ZDHHC16: variants seen among roughly 807,000 people sequenced by gnomAD.
ZDHHC16 encodes the protein zDHHC palmitoyltransferase 16.
In ZDHHC16, 33 loss-of-function variants were observed where a neutral mutation model predicts 54.4. The ratio of observed to expected loss-of-function variants is 0.61; its 90% CI spans 0.46 to 0.81. ZDHHC16 has a LOEUF of 0.81. ZDHHC16 is among the 30% of genes least tolerant of loss of function. The pLI, the probability that ZDHHC16 is intolerant of heterozygous loss-of-function variation, is 0.00. For missense variants in ZDHHC16, 420 were observed against 485.9 expected (o/e 0.86, Z 1.28); for synonymous variants, 185 against 182.1 (o/e 1.02, Z -0.13).
At chr10:97,455,137 G>A (rs543287537) in intron 9 of ZDHHC16, among the ~76,000 whole-genome samples, 2 of 152,298 alleles carry the variant, frequency 1.3e-5, no homozygotes, top group African/African-American at 4.8e-5. Flanking sequence ...GTGAAGTGAA[G>A]TGACTTGTTC....
At chr10:97,454,048 C>T (rs1010120779) in intron 8 of ZDHHC16, among the ~76,000 whole-genome samples, 1 of 152,186 alleles carries the variant, frequency 6.6e-6, no homozygotes, top group African/African-American at 2.4e-5. Context: ...TGGTATGTGA[C>T]AGTTTTGGCT....
At position 97,451,839 on chromosome 10, in the gene ZDHHC16, G is replaced by C; in HGVS notation, c.164G>C (p.Gly55Ala). 1 of 1,614,228 alleles carries C rather than the reference G, an allele frequency of 6.2e-7. No individual in the cohort carries two copies. Among genetic ancestry groups the C allele is most frequent in the Non-Finnish European group, 8.5e-7 (1 of 1,180,050 alleles). ...CLRSLLYNSF[G>A]GSDTAVDAAF... ...CGCTCCCTGCTCTACAACTCCTTTGGGGGCAGTGACACCGCTGTTGATGCT... is the reference window on the plus strand; with the variant it reads ...CGCTCCCTGCTCTACAACTCCTTTGCGGGCAGTGACACCGCTGTTGATGCT... Residue 55 changes from glycine (G) to alanine (A), a missense_variant, in exon 3 of 12, where the codon GGG becomes GCG. Gly to Ala is a moderately conservative substitution (Grantham distance 60). Transcript: ENST00000393760.
chr10:97,455,631 C>G (rs1564807844), intron 9 of ZDHHC16, 29 bp from the exon 10 acceptor site: 1 of 1,614,232 alleles, frequency 6.2e-7, no homozygotes, highest in Admixed American at 1.7e-5. Flanking sequence ...CTCTAAACTA[C>G]CCACCAGTCT....
rs1846703980 is a variant in ZDHHC16 at position 97,452,187 on chromosome 10, G to A, written c.341G>A (p.Arg114Gln). The A allele has an allele frequency of 6.2e-6, 10 of 1,614,036 alleles. No homozygotes were observed. Among genetic ancestry groups the A allele is most frequent in the African/African-American group, 1.3e-5 (1 of 74,998 alleles). ...ATCCTCCGAACCTACTCAGTGCCAC[G>A]ACTCTGCTGGCATTTCTTCTATAGC... is the stretch of plus-strand genomic sequence containing the variant. The part of the protein sequence containing the change: ...PLILRTYSVP[R>Q]LCWHFFYSHW... Residue 114 changes from arginine to glutamine, a missense_variant, in exon 4 of 12, where the codon CGA becomes CAA. Transcript: ENST00000393760.
At position 97,446,359 on chromosome 10, in the gene ZDHHC16, G is replaced by T; in HGVS notation, c.-186+6G>T. ...GGGGAGTCGGCAGGCGGCAGGTAAG[G>T]GCGAAGCCTCGGCCCTTGCTCCCCA... On this transcript the variant is annotated splice_donor_region_variant and intron_variant, in intron 1 of 11. Coordinates refer to ENST00000393760, the MANE Select transcript of ZDHHC16 (RefSeq NM_198046.3). 1 of 377,714 alleles carries T rather than the reference G, an allele frequency of 2.6e-6. No individual in the cohort carries two copies. The highest frequency in any genetic ancestry group is 4.9e-6 in the Non-Finnish European group (1 of 205,198). 23.4% of individuals were successfully genotyped at this position (377,714 alleles called of 1,614,324 possible). A position where few individuals can be genotyped will look rare whatever the true frequency, so the allele number is the denominator to read the frequency against.
rs577394192 is a variant in ZDHHC16, at chr10:97,455,900, T to C, written c.949-74T>C. On this transcript the variant is annotated intron_variant, in intron 10 of 11. Transcript: ENST00000393760. The stretch of plus-strand genomic sequence containing the variant: ...GCATTGTAAAAGGCCAGAACTACTC[T>C]ATCTGAGCTTTAGCTTAGCCAATTT... 5.9e-5 allele frequency: 95 copies of C among 1,607,870 alleles called. 1 individual carries two copies. The Middle Eastern group carries it at 6.6e-4, about 11-fold the overall frequency.
rs987045733 is a variant in ZDHHC16, at chr10:97,456,986, A to G, written c.*95A>G. 3.8e-6 allele frequency: 4 copies of G among 1,039,164 alleles called. No homozygotes were observed. Among genetic ancestry groups the G allele is most frequent in the African/African-American group, 1.6e-5 (1 of 62,442 alleles). The allele number at this position is 1,039,164 out of a possible 1,614,324, so 64.4% of individuals were successfully genotyped here. A position where few individuals can be genotyped will look rare whatever the true frequency, so the allele number is the denominator to read the frequency against. ...CAGCTTTTCTCAGAATCCTTGATCA[A>G]AAAGAGCCAGTGGGCCTGCCTTAGG... On this transcript the variant is annotated 3_prime_UTR_variant, in exon 12 of 12. Coordinates refer to ENST00000393760, the MANE Select transcript of ZDHHC16 (RefSeq NM_198046.3).
At chr10:97,447,586 A>C (rs1010173566) in intron 1 of ZDHHC16, among the ~76,000 whole-genome samples, 3 of 152,246 alleles carry the variant, frequency 2.0e-5, no homozygotes, top group African/African-American at 7.2e-5. Context: ...CTTCTCCCCT[A>C]CACACATCTT....
chr10:97,455,147 C>T (rs1847047198), intron 9 of ZDHHC16, among the ~76,000 whole-genome samples: 1 of 152,186 alleles, frequency 6.6e-6, no homozygotes, highest in Non-Finnish European at 1.5e-5. Flanking sequence ...GTGACTTGTT[C>T]TATGATACAC....
At chr10:97,447,017 G>C (rs1036049292) in intron 1 of ZDHHC16, among the ~76,000 whole-genome samples, 1 of 152,172 alleles carries the variant, frequency 6.6e-6, no homozygotes, top group Non-Finnish European at 1.5e-5. Flanking sequence ...CCTTTTCCCG[G>C]TTTTTTAAAC....
Position 97,446,242 on chromosome 10 carries a change from G to A in ZDHHC16, c.-297G>A, listed in dbSNP as rs1293716231. Reference sequence around the variant, plus strand: ...GGCGCTGCGGGCGGCGGGCCATGGTGGTTTGGATTGAGCCGGGCCCGGCCG... The same window carrying A: ...GGCGCTGCGGGCGGCGGGCCATGGTAGTTTGGATTGAGCCGGGCCCGGCCG... On this transcript the variant is annotated 5_prime_UTR_variant, in exon 1 of 12. Transcript: ENST00000393760. The A allele has an allele frequency of 6.8e-6, 4 of 591,834 alleles. No homozygotes were observed. In the South Asian group the frequency reaches 7.9e-5, roughly 12 times the overall value. The allele number at this position is 591,834 out of a possible 1,614,324, so 36.7% of individuals were successfully genotyped here. A position where few individuals can be genotyped will look rare whatever the true frequency, so the allele number is the denominator to read the frequency against.
At chr10:97,452,781 CAA>C in intron 5 of ZDHHC16, 112 bp from the exon 6 acceptor site, 1 of 1,438,004 alleles carries the variant, frequency 7.0e-7, no homozygotes, top group Non-Finnish European at 9.8e-7. Flanking sequence ...TGGCTGTCTT[CAA>C]AGTCTGTGCC....
chr10:97,450,166 C>T (rs1032229002), intron 1 of ZDHHC16, among the ~76,000 whole-genome samples, 191 bp from the exon 2 acceptor site: 8 of 152,148 alleles, frequency 5.3e-5, no homozygotes, highest in Non-Finnish European at 1.0e-4. Context: ...CCACCGTGCC[C>T]GGCCTCCCCT....
chr10:97,454,417 C>G (rs542828534), intron 8 of ZDHHC16, among the ~76,000 whole-genome samples: 1 of 152,176 alleles, frequency 6.6e-6, no homozygotes, highest in Non-Finnish European at 1.5e-5. Context: ...GGAGTTCTGG[C>G]TGGGGATTGG....
At chr10:97,455,887 G>A (rs1847129700) in intron 10 of ZDHHC16, 87 bp from the exon 11 acceptor site, 1 of 1,604,508 alleles carries the variant, frequency 6.2e-7, no homozygotes, top group Non-Finnish European at 8.5e-7. Context: ...ATTGTAAAAG[G>A]CCAGAACTAC....
intron 9 of ZDHHC16, 32 bp downstream of exon 9, chr10:97,454,831 A>G (rs1847010850): frequency 1.2e-6 from 2 of 1,607,536 alleles, no homozygotes; most frequent in Admixed American, 1.7e-5. Context: ...AAGGGAGGGG[A>G]AGCTTCAGAA....
intron 6 of ZDHHC16, 42 bp downstream of exon 6, chr10:97,452,965 T>TC: frequency 3.1e-6 from 5 of 1,613,880 alleles, no homozygotes; most frequent in Non-Finnish European, 4.2e-6. Context: ...CTTCTTTAGC[T>TC]CCAGAGCACT....
chr10:97,454,592 C>T (rs994887920), intron 8 of ZDHHC16, 122 bp from the exon 9 acceptor site: 12 of 902,100 alleles, frequency 1.3e-5, no homozygotes, highest in African/African-American at 9.9e-5. Context: ...ACCCTAACTC[C>T]TCTGTGGCTT....
intron 10 of ZDHHC16, 24 bp downstream of exon 10, chr10:97,455,807 G>C: frequency 6.2e-7 from 1 of 1,609,862 alleles, no homozygotes; most frequent in Non-Finnish European, 8.5e-7. Flanking sequence ...AAGGCTCGGG[G>C]TGGGTAGGTG....
Sources: gnomAD v4.1 joint callset for allele counts (sites outside exome capture counted in the v4.1 genomes callset) on GRCh38, gnomAD v4.1.1 for gene constraint, MANE v1.5 for transcripts, NCBI Gene and HGNC (gene_info 2026-07-23, HGNC 2026-07-21) for gene names.